OSBPL3: variants seen among roughly 807,000 people sequenced by gnomAD.
The protein encoded by OSBPL3 is oxysterol-binding protein-related protein 3.
Under a neutral mutation model 120.1 loss-of-function variants are expected in OSBPL3, and 65 were observed. The ratio of observed to expected loss-of-function variants is 0.54; its 90% confidence interval spans 0.44 to 0.67. OSBPL3 has a LOEUF of 0.67. OSBPL3 is among the 30% of genes least tolerant of loss of function. The pLI is 0.00. For synonymous variants in OSBPL3, 416 were observed against 402.6 expected (o/e 1.03, Z -0.40); for missense variants, 1,004 against 1,082.1 (o/e 0.93, Z 1.01).
At chr7:24,889,997 T>G (rs901735954) in intron 2 of OSBPL3, among the ~76,000 whole-genome samples, 1 of 152,088 alleles carries the variant, frequency 6.6e-6, no homozygotes, top group African/African-American at 2.4e-5. Context: ...AGGTAGGAAG[T>G]TGGCAACAGC....
rs1792011160 is a variant in OSBPL3, at chr7:24,799,077, C to T, written c.*1106G>A. 6.6e-6 allele frequency: 1 copy of T among 152,578 alleles called. No homozygotes were observed. Among genetic ancestry groups the T allele is most frequent in the South Asian group, 2.1e-4 (1 of 4,822 alleles). 9.5% of individuals were successfully genotyped at this position (152,578 alleles called of 1,614,324 possible). The stretch of plus-strand genomic sequence containing the variant: ...GGTAAGACACTCACTTAAAGCTTTA[C>T]CAGAACACAACACAAAGCAAGAACA... On this transcript the variant is annotated 3_prime_UTR_variant, in exon 23 of 23. Coordinates refer to ENST00000313367, the MANE Select transcript of OSBPL3 (RefSeq NM_015550.4). This position sits in a 1 kb window ranked among gnomAD's most constrained non-coding sequence, Gnocchi z 5.3.
chr7:24,880,592 T>C (rs1463926860), intron 2 of OSBPL3, among the ~76,000 whole-genome samples: 1 of 152,224 alleles, frequency 6.6e-6, no homozygotes, highest in African/African-American at 2.4e-5. Flanking sequence ...AATGATTGGC[T>C]TTCCTGTACC....
chr7:24,954,679 G>A (rs1234112203), intron 1 of OSBPL3, among the ~76,000 whole-genome samples: 1 of 152,230 alleles, frequency 6.6e-6, no homozygotes, highest in South Asian at 2.1e-4. Flanking sequence ...TCTTCCAACA[G>A]TACGTTGAAA....
chr7:24,861,003 T>C (rs1431837608), intron 10 of OSBPL3, among the ~76,000 whole-genome samples: 1 of 152,242 alleles, frequency 6.6e-6, no homozygotes, highest in Non-Finnish European at 1.5e-5. Flanking sequence ...ACTGCCAAAC[T>C]GTTTTCCAGA....
chr7:24,856,680 G>A (rs1424011686), intron 10 of OSBPL3, among the ~76,000 whole-genome samples: 2 of 152,102 alleles, frequency 1.3e-5, no homozygotes, highest in Non-Finnish European at 2.9e-5. Flanking sequence ...TAGATGATGG[G>A]CACATCTGAG....
chr7:24,844,642 C>A (rs1020335720), intron 12 of OSBPL3, among the ~76,000 whole-genome samples: 1 of 151,682 alleles, frequency 6.6e-6, no homozygotes, highest in South Asian at 2.1e-4. Context: ...TAAAGTTCGC[C>A]CAAATAACAT....
In OSBPL3 at chr7:24,810,024, G is replaced by A. The variant is rs558655981; in HGVS notation, c.2173-73C>T. The A allele has an allele frequency of 3.2e-6, 5 of 1,541,488 alleles. No homozygotes were observed. In the East Asian group the frequency reaches 1.1e-4, roughly 35 times the overall value. On this transcript the variant is annotated intron_variant, in intron 19 of 22. Transcript: ENST00000313367. ...TACAGATATTAAGGAAAGAAAAAAGGAAAAGCTAGAGAAAGGACTGTAAGA... is the reference window on the plus strand; with the variant it reads ...TACAGATATTAAGGAAAGAAAAAAGAAAAAGCTAGAGAAAGGACTGTAAGA...
At chr7:24,893,905 A>G (rs1442298238) in intron 1 of OSBPL3, among the ~76,000 whole-genome samples, 1 of 152,140 alleles carries the variant, frequency 6.6e-6, no homozygotes, top group East Asian at 1.9e-4. Flanking sequence ...GGCTTCAGAA[A>G]ACCAGGACTT....
chr7:24,903,446 A>G (rs1421520933), intron 1 of OSBPL3, among the ~76,000 whole-genome samples: 1 of 152,228 alleles, frequency 6.6e-6, no homozygotes, highest in Non-Finnish European at 1.5e-5. Flanking sequence ...GATTCCTGGG[A>G]GAGCGCACTT....
Position 24,834,570 on chromosome 7 carries a change from G to A in OSBPL3, c.1662C>T (p.Asn554=). ...AMPVELNEPL[N]TLQRLCEELE... is the part of the protein sequence containing the mutation. ...GCTCCTCGCAGAGCCTCTGCAGCGT[G>A]TTCAGGGGCTCGTTCAGCTCCACCG... is the stretch of plus-strand genomic sequence containing the variant. The change falls in exon 15 of 23, where the codon AAC becomes AAT. Residue 554 remains asparagine (N), a synonymous_variant. Coordinates refer to ENST00000313367, the MANE Select transcript of OSBPL3 (RefSeq NM_015550.4). The surrounding 1 kb of genome is among the most constrained non-coding windows in gnomAD (Gnocchi z 5.2). 6.2e-7 allele frequency: 1 copy of A among 1,614,186 alleles called. No homozygotes were observed. Among genetic ancestry groups the A allele is most frequent in the Non-Finnish European group, 8.5e-7 (1 of 1,180,008 alleles).
intron 1 of OSBPL3, among the ~76,000 whole-genome samples, chr7:24,909,700 G>C (rs1157192815): frequency 6.6e-6 from 1 of 150,432 alleles, no homozygotes; most frequent in Non-Finnish European, 1.5e-5. Context: ...CCAGCTTCCT[G>C]TGCCAGAAAC....
intron 2 of OSBPL3, among the ~76,000 whole-genome samples, chr7:24,887,666 G>A (rs1460306582): frequency 6.6e-6 from 1 of 152,188 alleles, no homozygotes; most frequent in African/African-American, 2.4e-5. Context: ...GAGAGCTCTT[G>A]ATTTTAACTC....
chr7:24,909,779 CTTTCTTTTTTTTTTTT>C (rs1317213846), intron 1 of OSBPL3, among the ~76,000 whole-genome samples: 3 of 87,840 alleles, frequency 3.4e-5, no homozygotes, highest in Non-Finnish European at 7.0e-5. Context: ...TTTTTTTTTT[CTTTCTTTTTTTTTTTT>C]TTTTTTTTTT....
intron 1 of OSBPL3, among the ~76,000 whole-genome samples, chr7:24,961,287 A>C (rs890455668): frequency 2.0e-5 from 3 of 152,220 alleles, no homozygotes; most frequent in African/African-American, 7.2e-5. Flanking sequence ...GGTTAGTATT[A>C]GACCAGTATC....
Position 24,852,414 on chromosome 7 carries a change from T to G in OSBPL3, c.1158+90A>C, listed in dbSNP as rs1799270384. 8.2e-7 allele frequency: 1 copy of G among 1,226,770 alleles called. No individual in the cohort carries two copies. The highest frequency in any genetic ancestry group is 1.5e-5 in the African/African-American group (1 of 65,042). 76.0% of individuals were successfully genotyped at this position (1,226,770 alleles called of 1,614,324 possible). On this transcript the variant is annotated intron_variant, in intron 11 of 22. Coordinates refer to ENST00000313367, the MANE Select transcript of OSBPL3 (RefSeq NM_015550.4). This position sits in a 1 kb window ranked among gnomAD's most constrained non-coding sequence, Gnocchi z 4.1. ...TTGGATAATTTGGTTTTCTCCTGAATTTTCAACATAATCATGGAAATAGAA... is the reference window on the plus strand; with the variant it reads ...TTGGATAATTTGGTTTTCTCCTGAAGTTTCAACATAATCATGGAAATAGAA...
chr7:24,881,581 A>G lies in OSBPL3; in HGVS notation c.97-9512T>C, dbSNP rs1803690288. The stretch of plus-strand genomic sequence containing the variant: ...TGGGAGATTCACACAAACCTGCTGC[A>G]GGAGTTCAGACAGGCATAATCTCCA... On this transcript the variant is annotated intron_variant, in intron 2 of 22. Transcript: ENST00000313367. The surrounding 1 kb of genome is among the most constrained non-coding windows in gnomAD (Gnocchi z 4.3). 6.6e-6 allele frequency among the ~76,000 whole-genome samples: 1 copy of G among 152,240 alleles called. No homozygotes were observed. The highest frequency in any genetic ancestry group is 2.4e-5 in the African/African-American group (1 of 41,466).
At chr7:24,976,327 T>G (rs985336963) in intron 1 of OSBPL3, among the ~76,000 whole-genome samples, 2 of 152,266 alleles carry the variant, frequency 1.3e-5, no homozygotes, top group African/African-American at 4.8e-5. Flanking sequence ...TTTAACAACA[T>G]AATGACAGTG....
intron 1 of OSBPL3, among the ~76,000 whole-genome samples, chr7:24,948,793 G>A (rs1306311937): frequency 6.6e-6 from 1 of 152,170 alleles, no homozygotes; most frequent in Non-Finnish European, 1.5e-5. Flanking sequence ...GGTAGATGGA[G>A]GTCCCTCAGG....
rs117281833 is a variant in OSBPL3, at chr7:24,937,543, A to G, written c.-150+42343T>C. Among the ~76,000 whole-genome samples, 1,702 of 152,292 alleles carry G rather than the reference A, an allele frequency of 0.011. 17 individuals carry two copies. The highest frequency in any genetic ancestry group is 0.048 in the Middle Eastern group (14 of 294). On this transcript the variant is annotated intron_variant, in intron 1 of 22. Coordinates refer to ENST00000313367, the MANE Select transcript of OSBPL3 (RefSeq NM_015550.4). This position sits in a 1 kb window ranked among gnomAD's most constrained non-coding sequence, Gnocchi z 4.0. ...TTATAGTTATTTATCCATCTTACTC[A>G]TGGACATTTAGGTTGCTTCCAATGT...
Sources: allele counts gnomAD v4.1 joint callset (sites outside exome capture counted in the v4.1 genomes callset), GRCh38; gene constraint gnomAD v4.1.1; non-coding constraint Gnocchi (gnomAD v3.1); transcripts MANE v1.5; gene names NCBI Gene and HGNC (gene_info 2026-07-23, HGNC 2026-07-21).